DGKB: variants seen among roughly 807,000 people sequenced by gnomAD.
The protein encoded by DGKB is 90 kDa diacylglycerol kinase.
DGKB carries 67 observed loss-of-function variants against 114.3 expected under a neutral mutation model. The observed-to-expected ratio is 0.59, with a 90% CI of 0.48 to 0.72. The LOEUF is 0.72. Among genes scored for constraint, DGKB ranks in the 30% least tolerant of loss-of-function variants. The pLI is 0.00. For synonymous variants in DGKB, 398 were observed against 323.1 expected, an observed-to-expected ratio of 1.23 and a Z score of -2.49; for missense variants, 907 against 975.2, an observed-to-expected ratio of 0.93 and a Z score of 0.93.
intron 21 of DGKB, among the ~76,000 whole-genome samples, chr7:14,369,831 G>A (rs1817333475): frequency 6.6e-6 from 1 of 152,168 alleles, no homozygotes; most frequent in South Asian, 2.1e-4. Flanking sequence ...CCATTTGTCA[G>A]ATGGATAGAC....
intron 8 of DGKB, among the ~76,000 whole-genome samples, chr7:14,697,732 A>G (rs1183693779): frequency 2.9e-5 from 4 of 136,256 alleles, no homozygotes; most frequent in Admixed American, 7.3e-5. Flanking sequence ...AAGGAAGGAA[A>G]GAAAGAAGGA....
chr7:14,776,461 C>A (rs1586420693), intron 2 of DGKB, among the ~76,000 whole-genome samples: 1 of 152,146 alleles, frequency 6.6e-6, no homozygotes, highest in East Asian at 1.9e-4. Context: ...CTGGACTGGG[C>A]CCAGGGCCCA....
chr7:14,910,593 C>T lies in DGKB; in HGVS notation c.-188+64103G>A, dbSNP rs148132850. 4.1e-3 allele frequency among the ~76,000 whole-genome samples: 624 copies of T among 152,134 alleles called. 4 individuals carry two copies. Among genetic ancestry groups the T allele is most frequent in the African/African-American group, 0.013 (558 of 41,520 alleles). On this transcript the variant is annotated intron_variant, in intron 1 of 4. Coordinates refer to the DGKB transcript ENST00000437998. ...TTATTTAACTATTATAACTATCCTA[C>T]GAAGAAGATACTCTCGTTACTTTCA... is the stretch of plus-strand genomic sequence containing the variant.
chr7:14,619,342 T>G (rs1420153206), intron 15 of DGKB, among the ~76,000 whole-genome samples: 1 of 151,672 alleles, frequency 6.6e-6, no homozygotes, highest in Non-Finnish European at 1.5e-5. Context: ...ATTTTTAATG[T>G]GACTAATTTA....
At position 14,476,755 on chromosome 7, in the gene DGKB, A is replaced by ATT. The variant is rs11386744; in HGVS notation, c.1835+1404_1835+1405dup. On this transcript the variant is annotated intron_variant, in intron 21 of 25. Coordinates refer to ENST00000402815, the MANE Select transcript of DGKB (RefSeq NM_001350709.2). ...GATTATGTTTTTAGTTACTAAAAAC[A>ATT]TTTTTTTTTTTTTTTTTGAGACGGA... Among the ~76,000 whole-genome samples, 268 of 135,372 alleles carry ATT rather than the reference A, an allele frequency of 2.0e-3. 2 individuals carry two copies. The highest frequency in any genetic ancestry group is 6.9e-3 in the African/African-American group (252 of 36,694). The allele number at this position is 135,372 out of a possible 152,430, so 88.8% of individuals were successfully genotyped here.
chr7:14,531,924 A>C (rs879867840), intron 20 of DGKB, among the ~76,000 whole-genome samples: 3 of 151,356 alleles, frequency 2.0e-5, no homozygotes, highest in Non-Finnish European at 3.0e-5. Flanking sequence ...AATAGAGAAA[A>C]TAATAGAACT....
chr7:14,153,032 G>A (rs542405081), intron 25 of DGKB, among the ~76,000 whole-genome samples: 10 of 152,160 alleles, frequency 6.6e-5, no homozygotes, highest in African/African-American at 2.2e-4. Context: ...AGGGATAGAA[G>A]AGGGTATTTG....
At chr7:14,290,503 A>G (rs1008244916) in intron 23 of DGKB, among the ~76,000 whole-genome samples, 1 of 152,104 alleles carries the variant, frequency 6.6e-6, no homozygotes, top group African/African-American at 2.4e-5. Context: ...CACGTCCATC[A>G]AAGCTGAGTT....
At chr7:14,400,221 T>G (rs1416384134) in intron 21 of DGKB, among the ~76,000 whole-genome samples, 2 of 151,840 alleles carry the variant, frequency 1.3e-5, no homozygotes, top group African/African-American at 4.8e-5. Flanking sequence ...ACATAATGCA[T>G]GTTCAGTAAA....
intron 12 of DGKB, among the ~76,000 whole-genome samples, chr7:14,675,576 T>C (rs192163052): frequency 1.3e-5 from 2 of 151,802 alleles, no homozygotes; most frequent in Admixed American, 6.6e-5. Context: ...TGACAGTTGA[T>C]TCCATGAAAT....
At chr7:14,797,325 A>G (rs973162238) in intron 2 of DGKB, among the ~76,000 whole-genome samples, 7 of 152,180 alleles carry the variant, frequency 4.6e-5, no homozygotes, top group Non-Finnish European at 7.3e-5. Flanking sequence ...CCAAAATATT[A>G]TAATGTTAAT....
intron 20 of DGKB, among the ~76,000 whole-genome samples, chr7:14,497,472 A>C (rs1241171030): frequency 3.3e-5 from 5 of 151,872 alleles, no homozygotes; most frequent in African/African-American, 2.4e-5. Flanking sequence ...TATGAAGTCC[A>C]TCCCCCCATA....
intron 15 of DGKB, among the ~76,000 whole-genome samples, chr7:14,618,997 C>T (rs2128810324): frequency 6.6e-6 from 1 of 151,542 alleles, no homozygotes; most frequent in African/African-American, 2.4e-5. Flanking sequence ...CACAAAATTA[C>T]TATTTTTTCA....
At chr7:14,528,980 C>T (rs1284155564) in intron 20 of DGKB, among the ~76,000 whole-genome samples, 1 of 151,936 alleles carries the variant, frequency 6.6e-6, no homozygotes, top group South Asian at 2.1e-4. Flanking sequence ...GATTCAGTGG[C>T]TAAACCCAAT....
intron 23 of DGKB, among the ~76,000 whole-genome samples, chr7:14,194,743 G>C (rs1356995803): frequency 6.6e-6 from 1 of 152,068 alleles, no homozygotes; most frequent in East Asian, 1.9e-4. Context: ...TTCAAGAATG[G>C]ATTTGATCAT....
chr7:14,495,217 T>C (rs1563321238), intron 20 of DGKB, among the ~76,000 whole-genome samples: 1 of 151,812 alleles, frequency 6.6e-6, no homozygotes. Flanking sequence ...GAATCTATAA[T>C]ACTATTGCAC....
chr7:14,237,762 C>CT (rs1346856902), intron 23 of DGKB, among the ~76,000 whole-genome samples: 1 of 151,780 alleles, frequency 6.6e-6, no homozygotes, highest in Non-Finnish European at 1.5e-5. Context: ...AATAGATCAT[C>CT]TTTTTTAATT....
At chr7:14,485,816 A>G (rs537593734) in intron 20 of DGKB, among the ~76,000 whole-genome samples, 3 of 151,134 alleles carry the variant, frequency 2.0e-5, no homozygotes, top group Non-Finnish European at 4.4e-5. Flanking sequence ...ATTTGAACCC[A>G]GGAGGCGGAG....
intron 21 of DGKB, among the ~76,000 whole-genome samples, chr7:14,391,496 G>A (rs1821299714): frequency 6.6e-6 from 1 of 150,536 alleles, no homozygotes; most frequent in Admixed American, 6.6e-5. Flanking sequence ...TAAGCAACAT[G>A]GCCGGTCTAC....
Sources: gnomAD v4.1 joint callset for allele counts (sites outside exome capture counted in the v4.1 genomes callset) on GRCh38, gnomAD v4.1.1 for gene constraint, MANE v1.5 for transcripts, NCBI Gene and HGNC (gene_info 2026-07-23, HGNC 2026-07-21) for gene names.